The following LDLRAD3 variants were observed in gnomAD, a reference collection of about 807,000 sequenced individuals.
LDLRAD3 encodes low density lipoprotein receptor class A domain containing 3, also known as low-density lipoprotein receptor class A domain-containing protein 3.
A neutral mutation model predicts 29.4 loss-of-function variants in LDLRAD3; 20 were observed. The observed-to-expected ratio is 0.68, with a 90% CI of 0.48 to 0.99. The LOEUF (loss-of-function observed/expected upper bound fraction) is 0.99, where lower values mean the gene tolerates loss of function less well. LDLRAD3 is among the 50% of genes least tolerant of loss of function. The pLI is 0.00. For synonymous variants in LDLRAD3, 157 were observed against 192.7 expected, an observed-to-expected ratio of 0.81 and a Z score of 1.53; for missense variants, 420 against 454.3, an observed-to-expected ratio of 0.92 and a Z score of 0.69.
chr11:36,023,811 G>A (rs1458949788), intron 1 of LDLRAD3, among the ~76,000 whole-genome samples: 1 of 152,192 alleles, frequency 6.6e-6, no homozygotes, highest in Non-Finnish European at 1.5e-5. Context: ...AGTCCCATAT[G>A]CCTTTCTCAT....
chr11:36,177,577 G>A lies in LDLRAD3; in HGVS notation c.455-49508G>A, dbSNP rs369438639. 6.6e-5 allele frequency among the ~76,000 whole-genome samples: 10 copies of A among 152,326 alleles called. 1 individual carries two copies. Among genetic ancestry groups the A allele is most frequent in the Admixed American group, 1.3e-4 (2 of 15,310 alleles). ...TTCCTGAGAGCCAGACTGCATGATT[G>A]TTATTGCTCTTCTGGGTCTAGCCAC... On this transcript the variant is annotated intron_variant, in intron 4 of 5. Transcript: ENST00000315571.
intron 4 of LDLRAD3, among the ~76,000 whole-genome samples, chr11:36,181,542 A>T (rs1854763508): frequency 6.6e-6 from 1 of 152,102 alleles, no homozygotes; most frequent in Non-Finnish European, 1.5e-5. Context: ...CAAAGTCCAG[A>T]CCGTCCCTGG....
At chr11:36,026,066 C>T (rs1037185543) in intron 1 of LDLRAD3, among the ~76,000 whole-genome samples, 2 of 152,138 alleles carry the variant, frequency 1.3e-5, no homozygotes, top group Non-Finnish European at 2.9e-5. Flanking sequence ...AGATGTGAGC[C>T]ACCACACCCG....
intron 2 of LDLRAD3, among the ~76,000 whole-genome samples, chr11:36,070,179 T>A (rs112755595): frequency 6.6e-6 from 1 of 152,246 alleles, no homozygotes; most frequent in African/African-American, 2.4e-5. Context: ...AATAGAATGC[T>A]TAGGAATATT....
intron 4 of LDLRAD3, among the ~76,000 whole-genome samples, chr11:36,141,985 A>G (rs1176708738): frequency 6.6e-6 from 1 of 152,198 alleles, no homozygotes; most frequent in Non-Finnish European, 1.5e-5. Flanking sequence ...TAACCATACA[A>G]TTGGGACCTT....
intron 1 of LDLRAD3, among the ~76,000 whole-genome samples, chr11:35,957,795 C>CA (rs1177748172): frequency 0.069 from 5,372 of 77,810 alleles, 347 homozygotes; most frequent in African/African-American, 0.16. Context: ...GACCTTATCT[C>CA]AAAAAAAAAA....
At position 36,077,675 on chromosome 11, in the gene LDLRAD3, G is replaced by A. The variant is rs573677065; in HGVS notation, c.194-3978G>A. On this transcript the variant is annotated intron_variant, in intron 2 of 5. Transcript: ENST00000315571. Reference sequence around the variant, plus strand: ...AGCAGCTTCCATGGCTGACACTGGGGAATGCAGTGTGGTGCCCAGAACCTT... The same window carrying A: ...AGCAGCTTCCATGGCTGACACTGGGAAATGCAGTGTGGTGCCCAGAACCTT... Among the ~76,000 whole-genome samples, 71 of 152,362 alleles carry A rather than the reference G, an allele frequency of 4.7e-4. 1 individual carries two copies. The highest frequency in any genetic ancestry group is 1.7e-3 in the African/African-American group (71 of 41,586).
intron 1 of LDLRAD3, among the ~76,000 whole-genome samples, chr11:35,945,946 G>A (rs988918263): frequency 2.6e-5 from 4 of 152,208 alleles, no homozygotes; most frequent in African/African-American, 9.6e-5. Context: ...GGGAGGAATA[G>A]TCCAACTGTC....
chr11:36,098,700 C>T (rs1853401362), intron 4 of LDLRAD3, among the ~76,000 whole-genome samples: 1 of 152,216 alleles, frequency 6.6e-6, no homozygotes, highest in East Asian at 1.9e-4. Flanking sequence ...CTATACATTT[C>T]TCTTCAAAAC....
chr11:36,041,741 G>C lies in LDLRAD3; in HGVS notation c.193+5492G>C, dbSNP rs1747434577. ...TGCTGTCTCTCCGTGTTCTAACCAAGTGGTTGAGGGGATCTTGAATGTTTG... is the reference window on the plus strand; with the variant it reads ...TGCTGTCTCTCCGTGTTCTAACCAACTGGTTGAGGGGATCTTGAATGTTTG... On this transcript the variant is annotated intron_variant, in intron 2 of 5. Transcript: ENST00000315571. Among the ~76,000 whole-genome samples, 3 of 152,212 alleles carry C rather than the reference G, an allele frequency of 2.0e-5. No homozygotes were observed. The South Asian group carries it at 6.2e-4, about 31-fold the overall frequency.
chr11:36,161,176 T>C (rs1854433869), intron 4 of LDLRAD3, among the ~76,000 whole-genome samples: 1 of 152,166 alleles, frequency 6.6e-6, no homozygotes, highest in African/African-American at 2.4e-5. Flanking sequence ...CTGATTTCCC[T>C]TTCCTGTAGC....
chr11:36,167,391 A>AT (rs1854530009), intron 4 of LDLRAD3, among the ~76,000 whole-genome samples: 1 of 152,228 alleles, frequency 6.6e-6, no homozygotes, highest in African/African-American at 2.4e-5. Context: ...TAGCCTAGCT[A>AT]AGTTGACACA....
chr11:36,010,793 T>A (rs942120041), intron 1 of LDLRAD3, among the ~76,000 whole-genome samples: 1 of 152,154 alleles, frequency 6.6e-6, no homozygotes, highest in Non-Finnish European at 1.5e-5. Context: ...TGGAATAAAT[T>A]TCCCCCTCCT....
chr11:35,996,519 G>A (rs1851757326), intron 1 of LDLRAD3, among the ~76,000 whole-genome samples: 1 of 152,182 alleles, frequency 6.6e-6, no homozygotes, highest in African/African-American at 2.4e-5. Flanking sequence ...CACATGAAGT[G>A]GCACACGAGG....
At chr11:36,132,285 G>T (rs985125340) in intron 4 of LDLRAD3, among the ~76,000 whole-genome samples, 1 of 152,148 alleles carries the variant, frequency 6.6e-6, no homozygotes, top group Non-Finnish European at 1.5e-5. Flanking sequence ...ACTGTCTCTT[G>T]TTGGAAAATG....
intron 1 of LDLRAD3, among the ~76,000 whole-genome samples, chr11:36,003,210 C>G (rs1248950828): frequency 6.6e-6 from 1 of 152,182 alleles, no homozygotes; most frequent in African/African-American, 2.4e-5. Context: ...CTGATCTTAC[C>G]TGGCCTGGCT....
intron 1 of LDLRAD3, among the ~76,000 whole-genome samples, chr11:35,984,934 CT>C (rs1285306835): frequency 0.1 from 13,098 of 127,924 alleles, 1,563 homozygotes; most frequent in African/African-American, 0.3. Context: ...CCTGCCTGTT[CT>C]TTTTTTTTTT....
At position 36,040,747 on chromosome 11, in the gene LDLRAD3, C is replaced by T. The variant is rs116532125; in HGVS notation, c.193+4498C>T. On this transcript the variant is annotated intron_variant, in intron 2 of 5. Coordinates refer to ENST00000315571, the MANE Select transcript of LDLRAD3 (RefSeq NM_174902.4). ...AGGCGCCTTTTCTGGCTCTTGACAC[C>T]GACTGCCGACTTGTTTTGCTAAAGG... is the stretch of plus-strand genomic sequence containing the variant. Among the ~76,000 whole-genome samples, 521 of 152,152 alleles carry T rather than the reference C, an allele frequency of 3.4e-3. 4 individuals carry two copies. The highest frequency in any genetic ancestry group is 0.012 in the African/African-American group (496 of 41,508).
rs1283629684 is a variant in LDLRAD3, at chr11:36,230,669, A to T, written c.*1272A>T. The T allele has an allele frequency of 1.3e-5, 2 of 152,648 alleles. No individual in the cohort carries two copies. Among genetic ancestry groups the T allele is most frequent in the African/African-American group, 4.8e-5 (2 of 41,460 alleles). 9.5% of individuals were successfully genotyped at this position (152,648 alleles called of 1,614,324 possible). ...AATCTTTTAGAAATGCATTTGAAAC[A>T]GTGTGTTTGTTTTTTCCCTTCTAGT... On this transcript the variant is annotated 3_prime_UTR_variant, in exon 6 of 6. Transcript: ENST00000315571.
Sources: gnomAD v4.1 joint callset for allele counts (sites outside exome capture counted in the v4.1 genomes callset) on GRCh38, gnomAD v4.1.1 for gene constraint, MANE v1.5 for transcripts, NCBI Gene and HGNC (gene_info 2026-07-23, HGNC 2026-07-21) for gene names.